Variants in GALNT17 observed in about 807,000 individuals in gnomAD.
The protein encoded by GALNT17 is polypeptide N-acetylgalactosaminyltransferase 17.
In GALNT17, 29 loss-of-function variants were observed where a neutral mutation model predicts 63.7. The observed-to-expected ratio is 0.46, with a 90% CI of 0.34 to 0.62. The LOEUF is 0.62. Among genes scored for constraint, GALNT17 ranks in the 20% least tolerant of loss-of-function variants. The pLI is 0.01. For synonymous variants in GALNT17, 305 were observed against 318.3 expected (o/e 0.96, Z 0.45); for missense variants, 603 against 799.6 (o/e 0.75, Z 2.97).
intron 5 of GALNT17, among the ~76,000 whole-genome samples, chr7:71,423,390 T>G (rs542061716): frequency 4.4e-4 from 67 of 152,164 alleles, no homozygotes; most frequent in Non-Finnish European, 9.3e-4. Flanking sequence ...ATCCCCGAGT[T>G]ATAGTTCAGT....
At chr7:71,207,238 C>T (rs373807424) in intron 1 of GALNT17, among the ~76,000 whole-genome samples, 7 of 152,270 alleles carry the variant, frequency 4.6e-5, no homozygotes, top group African/African-American at 1.4e-4. Flanking sequence ...AAGTAAGCCA[C>T]GTATGTTTAT....
At chr7:71,421,530 G>A (rs1786665192) in intron 5 of GALNT17, among the ~76,000 whole-genome samples, 1 of 152,148 alleles carries the variant, frequency 6.6e-6, no homozygotes, top group Non-Finnish European at 1.5e-5. Flanking sequence ...AAGGGGGTGT[G>A]GCATTCTGAG....
intron 1 of GALNT17, among the ~76,000 whole-genome samples, chr7:71,158,539 T>G (rs1163215006): frequency 1.3e-5 from 2 of 150,602 alleles, no homozygotes; most frequent in East Asian, 1.9e-4. Flanking sequence ...GGATTACAGG[T>G]GCCTGCCACC....
intron 5 of GALNT17, among the ~76,000 whole-genome samples, chr7:71,501,875 T>C (rs1044328993): frequency 2.2e-4 from 33 of 152,200 alleles, no homozygotes; most frequent in Non-Finnish European, 4.6e-4. Context: ...GGAATCTGCT[T>C]GTCCTCAGGG....
intron 2 of GALNT17, among the ~76,000 whole-genome samples, chr7:71,369,811 C>CAAAAA (rs763387719): frequency 5.5e-5 from 4 of 72,134 alleles, no homozygotes; most frequent in South Asian, 5.4e-4. Flanking sequence ...GGCTTTTTGT[C>CAAAAA]AAAAAAAAAA....
intron 5 of GALNT17, among the ~76,000 whole-genome samples, chr7:71,528,698 G>A (rs1788666006): frequency 6.6e-6 from 1 of 152,114 alleles, no homozygotes; most frequent in Non-Finnish European, 1.5e-5. Flanking sequence ...ACCAAAACGG[G>A]TGCACCAAAG....
chr7:71,325,239 A>T lies in GALNT17; in HGVS notation c.239-10311A>T, dbSNP rs117723518. Among the ~76,000 whole-genome samples, 1,238 of 152,346 alleles carry T rather than the reference A, an allele frequency of 8.1e-3. 3 individuals carry two copies. The highest frequency in any genetic ancestry group is 0.013 in the Non-Finnish European group (863 of 68,038). On this transcript the variant is annotated intron_variant, in intron 1 of 10. Coordinates refer to ENST00000333538, the MANE Select transcript of GALNT17 (RefSeq NM_022479.3). ...TTGTCTATAAGTTTTATTGACTTCC[A>T]GATGATCTAGCATAAGGTAGGATCT...
At chr7:71,481,582 G>C (rs1787818359) in intron 5 of GALNT17, among the ~76,000 whole-genome samples, 1 of 152,144 alleles carries the variant, frequency 6.6e-6, no homozygotes, top group African/African-American at 2.4e-5. Context: ...GATACCTATG[G>C]GAGATGTGGA....
At chr7:71,231,221 A>G (rs1475320091) in intron 1 of GALNT17, among the ~76,000 whole-genome samples, 1 of 148,858 alleles carries the variant, frequency 6.7e-6, no homozygotes, top group African/African-American at 2.5e-5. Flanking sequence ...ACTGAAGGAT[A>G]TTTTTGCTGT....
At chr7:71,622,798 G>A (rs1272452949) in intron 6 of GALNT17, among the ~76,000 whole-genome samples, 1 of 152,124 alleles carries the variant, frequency 6.6e-6, no homozygotes, top group Non-Finnish European at 1.5e-5. Context: ...GAGTTCTAAG[G>A]CACTATAGGT....
intron 5 of GALNT17, among the ~76,000 whole-genome samples, chr7:71,490,743 T>C (rs1787992280): frequency 6.6e-6 from 1 of 151,690 alleles, no homozygotes; most frequent in African/African-American, 2.4e-5. Context: ...CTACAAAATA[T>C]AAACAAATTA....
intron 5 of GALNT17, among the ~76,000 whole-genome samples, chr7:71,443,193 GT>G (rs1787099674): frequency 6.6e-6 from 1 of 152,142 alleles, no homozygotes; most frequent in African/African-American, 2.4e-5. Flanking sequence ...GGTTATTCTA[GT>G]TGAATACTGG....
chr7:71,291,748 G>T (rs1048168941), intron 1 of GALNT17, among the ~76,000 whole-genome samples: 2 of 152,074 alleles, frequency 1.3e-5, no homozygotes, highest in African/African-American at 4.8e-5. Flanking sequence ...TCTTGATTTT[G>T]AAGCATGTAA....
chr7:71,643,277 G>T (rs1350202557), intron 6 of GALNT17, among the ~76,000 whole-genome samples: 1 of 152,106 alleles, frequency 6.6e-6, no homozygotes. Context: ...AGACCAGCCT[G>T]GCCAACATGG....
chr7:71,378,590 G>C (rs968568801), intron 2 of GALNT17, among the ~76,000 whole-genome samples: 4 of 152,146 alleles, frequency 2.6e-5, no homozygotes, highest in Non-Finnish European at 4.4e-5. Context: ...TGATGCCTTT[G>C]ATCATAAGAG....
chr7:71,425,266 C>G (rs1016211572), intron 5 of GALNT17, among the ~76,000 whole-genome samples: 9 of 151,988 alleles, frequency 5.9e-5, no homozygotes, highest in African/African-American at 1.9e-4. Context: ...CTCTGTCGCC[C>G]AGGCTGAGTG....
chr7:71,372,370 G>A (rs1381245112), intron 2 of GALNT17, among the ~76,000 whole-genome samples: 1 of 151,948 alleles, frequency 6.6e-6, no homozygotes, highest in African/African-American at 2.4e-5. Context: ...TTGCCATGTT[G>A]GACAGGCTGG....
In GALNT17 at chr7:71,549,962, G is replaced by A. The variant is rs146240751; in HGVS notation, c.963-21323G>A. On this transcript the variant is annotated intron_variant, in intron 5 of 10. Transcript: ENST00000333538. Reference sequence around the variant, plus strand: ...ATGTTTCAACCTAAAACCGTCTCCTGCTTGTCTTTCAATGCACAGAGCTCA... The same window carrying A: ...ATGTTTCAACCTAAAACCGTCTCCTACTTGTCTTTCAATGCACAGAGCTCA... Among the ~76,000 whole-genome samples, 1,114 of 151,370 alleles carry A rather than the reference G, an allele frequency of 7.4e-3. 7 individuals are homozygous for A. Among genetic ancestry groups the A allele is most frequent in the Middle Eastern group, 0.024 (7 of 292 alleles).
At chr7:71,585,914 CT>C (rs35569879) in intron 6 of GALNT17, among the ~76,000 whole-genome samples, 18,107 of 137,854 alleles carry the variant, frequency 0.13, 2,082 homozygotes, top group African/African-American at 0.35. Context: ...TTCCTGATTT[CT>C]TTTTTTTTTT....
Sources: allele counts gnomAD v4.1 joint callset (sites outside exome capture counted in the v4.1 genomes callset), GRCh38; gene constraint gnomAD v4.1.1; transcripts MANE v1.5; gene names NCBI Gene and HGNC (gene_info 2026-07-23, HGNC 2026-07-21).